SMAD2: variants seen among roughly 807,000 people sequenced by gnomAD.
The protein encoded by SMAD2 is SMAD family member 2, also known as MAD homolog 2.
Under a neutral mutation model 64.4 loss-of-function variants are expected in SMAD2, and 8 were observed. That is an observed-to-expected ratio of 0.12 (90% CI 0.07 to 0.22). SMAD2 has a LOEUF of 0.22. Ranked by LOEUF, SMAD2 falls within the 10% of genes least tolerant of loss-of-function variation. SMAD2 has a pLI of 1.00. For synonymous variants in SMAD2, 203 were observed against 195.8 expected (o/e 1.04, Z -0.31); for missense variants, 289 against 561.2 (o/e 0.51, Z 4.90).
At chr18:47,858,445 A>T (rs2030904297) in intron 6 of SMAD2, among the ~76,000 whole-genome samples, 1 of 152,218 alleles carries the variant, frequency 6.6e-6, no homozygotes, top group South Asian at 2.1e-4. Context: ...TCTGTAGTAA[A>T]GGAATAAAAA....
At chr18:47,909,347 G>A (rs2034029286) in intron 1 of SMAD2, among the ~76,000 whole-genome samples, 1 of 152,174 alleles carries the variant, frequency 6.6e-6, no homozygotes, top group African/African-American at 2.4e-5. Context: ...TTTAGAAACA[G>A]GCTGGCTTAA....
chr18:47,904,355 G>C (rs62088119), intron 1 of SMAD2, among the ~76,000 whole-genome samples: 10,931 of 151,544 alleles, frequency 0.072, 521 homozygotes, highest in Middle Eastern at 0.12. Flanking sequence ...CAAAAGACAT[G>C]TGCTGCTGAG....
In SMAD2 at chr18:47,814,368, C is replaced by T. The variant is rs1912301657; in HGVS notation, c.*27459G>A. The T allele has an allele frequency of 6.6e-6, 1 of 152,142 alleles. No individual in the cohort carries two copies. The highest frequency in any genetic ancestry group is 2.4e-5 in the African/African-American group (1 of 41,434). The allele number at this position is 152,142 out of a possible 1,614,324, so 9.4% of individuals were successfully genotyped here. On this transcript the variant is annotated 3_prime_UTR_variant, in exon 11 of 11. Coordinates refer to ENST00000262160, the MANE Select transcript of SMAD2 (RefSeq NM_005901.6). ...AAGTAGTCTTCAAAGTCAGACTTTA[C>T]TGAGAATGAGAAGGGAGTTCTACAT...
At chr18:47,847,603 TTATAAAAAACAACTG>T (rs1014125899) in intron 8 of SMAD2, among the ~76,000 whole-genome samples, 1 of 148,380 alleles carries the variant, frequency 6.7e-6, no homozygotes, top group African/African-American at 2.5e-5. Context: ...TTAACAATGT[TTATAAAAAACAACTG>T]TATTTCCAAA....
In SMAD2 at chr18:47,811,632, C is replaced by A. The variant is rs1237155676; in HGVS notation, c.*30195G>T. On this transcript the variant is annotated 3_prime_UTR_variant, in exon 11 of 11. Transcript: ENST00000262160. ...ACCCCATCCTCACTCCAAACATACA[C>A]ATATTCCAAAGTTCATCAGAACCTT... 2.0e-5 allele frequency: 3 copies of A among 152,224 alleles called. No homozygotes were observed. Among genetic ancestry groups the A allele is most frequent in the Non-Finnish European group, 4.4e-5 (3 of 68,060 alleles). 9.4% of individuals were successfully genotyped at this position (152,224 alleles called of 1,614,324 possible). A position where few individuals can be genotyped will look rare whatever the true frequency, so the allele number is the denominator to read the frequency against.
At chr18:47,862,341 A>AT in intron 6 of SMAD2, among the ~76,000 whole-genome samples, 1 of 152,208 alleles carries the variant, frequency 6.6e-6, no homozygotes, top group African/African-American at 2.4e-5. Context: ...ACAGAAATTT[A>AT]TTTTTTCAGA....
chr18:47,925,985 A>C (rs982701471), intron 1 of SMAD2, among the ~76,000 whole-genome samples: 1 of 152,232 alleles, frequency 6.6e-6, no homozygotes, highest in Non-Finnish European at 1.5e-5. Flanking sequence ...TGAAAAGCAT[A>C]CACTACTGTC....
In SMAD2 at chr18:47,834,235, T is replaced by A. The variant is rs1164491982; in HGVS notation, c.*7592A>T. On this transcript the variant is annotated 3_prime_UTR_variant, in exon 11 of 11. Transcript: ENST00000262160. ...ACCTAAGGTGGTCAGCTCCTTCTGG[T>A]GTGCCTGGGACTTGTTTTGAGTTTA... is the stretch of plus-strand genomic sequence containing the variant. 4.7e-6 allele frequency: 1 copy of A among 211,466 alleles called. No individual in the cohort carries two copies. The highest frequency in any genetic ancestry group is 9.6e-6 in the Non-Finnish European group (1 of 104,380). The allele number at this position is 211,466 out of a possible 1,614,324, so 13.1% of individuals were successfully genotyped here. A position where few individuals can be genotyped will look rare whatever the true frequency, so the allele number is the denominator to read the frequency against.
intron 2 of SMAD2, among the ~76,000 whole-genome samples, chr18:47,890,236 A>G (rs1271189576): frequency 6.6e-6 from 1 of 152,232 alleles, no homozygotes; most frequent in African/African-American, 2.4e-5. Flanking sequence ...TATAAACTGT[A>G]TATGACAAAC....
chr18:47,840,481 G>C lies in SMAD2; in HGVS notation c.*1346C>G, dbSNP rs560242496. The C allele has an allele frequency of 4.3e-6, 1 of 232,548 alleles. No homozygotes were observed. Among genetic ancestry groups the C allele is most frequent in the East Asian group, 6.1e-5 (1 of 16,512 alleles). The allele number at this position is 232,548 out of a possible 1,614,324, so 14.4% of individuals were successfully genotyped here. A position where few individuals can be genotyped will look rare whatever the true frequency, so the allele number is the denominator to read the frequency against. Reference sequence around the variant, plus strand: ...GGATCAGTTAAGAACAGCTCAGACTGCAGGTAACTTATAAGCTAAAAAACT... The same window carrying C: ...GGATCAGTTAAGAACAGCTCAGACTCCAGGTAACTTATAAGCTAAAAAACT... On this transcript the variant is annotated 3_prime_UTR_variant, in exon 11 of 11. Coordinates refer to ENST00000262160, the MANE Select transcript of SMAD2 (RefSeq NM_005901.6).
intron 5 of SMAD2, among the ~76,000 whole-genome samples, chr18:47,867,833 C>T (rs913496986): frequency 6.6e-6 from 1 of 151,922 alleles, no homozygotes; most frequent in Admixed American, 6.6e-5. Flanking sequence ...TTCTGACGTT[C>T]GTGTTATAAT....
intron 1 of SMAD2, among the ~76,000 whole-genome samples, chr18:47,908,354 G>T (rs2033988085): frequency 6.6e-6 from 1 of 152,094 alleles, no homozygotes; most frequent in South Asian, 2.1e-4. Flanking sequence ...GACAACATGG[G>T]TTTAAACTGT....
intron 1 of SMAD2, among the ~76,000 whole-genome samples, chr18:47,918,605 G>T (rs972917192): frequency 6.6e-6 from 1 of 152,110 alleles, no homozygotes; most frequent in Non-Finnish European, 1.5e-5. Flanking sequence ...TCAGCTTCAG[G>T]AAAAGACTAT....
rs1912556567 is a variant in SMAD2, at chr18:47,821,042, T to C, written c.*20785A>G. ...TTTAATTCTAAAATCAGCCATCTTC[T>C]AAACCACAGTTTAAATTTCTGCCAT... On this transcript the variant is annotated 3_prime_UTR_variant, in exon 11 of 11. Transcript: ENST00000262160. The C allele has an allele frequency of 6.6e-6, 1 of 152,150 alleles. No homozygotes were observed. Among genetic ancestry groups the C allele is most frequent in the African/African-American group, 2.4e-5 (1 of 41,448 alleles). The allele number at this position is 152,150 out of a possible 1,614,324, so 9.4% of individuals were successfully genotyped here. A position where few individuals can be genotyped will look rare whatever the true frequency, so the allele number is the denominator to read the frequency against.
intron 2 of SMAD2, chr18:47,895,681 A>T (rs1209782567): frequency 6.6e-6 from 1 of 152,208 alleles, no homozygotes; most frequent in African/African-American, 2.4e-5. Context: ...GAAACATTCT[A>T]CTGTTAGTAT....
intron 6 of SMAD2, among the ~76,000 whole-genome samples, chr18:47,860,875 A>C (rs1184848214): frequency 2.0e-5 from 3 of 152,314 alleles, no homozygotes; most frequent in Admixed American, 2.0e-4. Flanking sequence ...AAGGAAAAAG[A>C]ACTTCCTCAA....
In SMAD2 at chr18:47,869,274, G is replaced by A. The variant is rs762181260; in HGVS notation, c.489C>T (p.Asn163=). 1.1e-5 allele frequency: 18 copies of A among 1,613,450 alleles called. No homozygotes were observed. Among genetic ancestry groups the A allele is most frequent in the Non-Finnish European group, 1.4e-5 (17 of 1,179,680 alleles). ...FNLKKDEVCV[N]PYHYQRVETP... ...TCTCAACTCTCTGATAGTGGTAAGG[G>A]TTTACACATACTTCATCCTTTTTAA... The change falls in exon 4 of 11, where the codon AAC becomes AAT. Residue 163 remains asparagine, a synonymous_variant. Coordinates refer to ENST00000262160, the MANE Select transcript of SMAD2 (RefSeq NM_005901.6).
In SMAD2 at chr18:47,930,348, G is replaced by C. The variant is rs1000702219; in HGVS notation, c.-54+13C>G. 1.3e-5 allele frequency: 2 copies of C among 151,990 alleles called. No homozygotes were observed. Among genetic ancestry groups the C allele is most frequent in the Admixed American group, 1.3e-4 (2 of 15,276 alleles). 9.4% of individuals were successfully genotyped at this position (151,990 alleles called of 1,614,324 possible). A position where few individuals can be genotyped will look rare whatever the true frequency, so the allele number is the denominator to read the frequency against. On this transcript the variant is annotated intron_variant, in intron 1 of 10. Transcript: ENST00000262160. ...CTTCCCTAGCTGGAGGCCCGCGGGC[G>C]CCCAGGCTTTACCTGCAAGGTGGCG...
At chr18:47,909,929 A>G (rs544505376) in intron 1 of SMAD2, among the ~76,000 whole-genome samples, 1 of 152,310 alleles carries the variant, frequency 6.6e-6, no homozygotes, top group South Asian at 2.1e-4. Context: ...TTTAAGGCTC[A>G]TTACACACAG....
Sources: gnomAD v4.1 joint callset for allele counts (sites outside exome capture counted in the v4.1 genomes callset) on GRCh38, gnomAD v4.1.1 for gene constraint, MANE v1.5 for transcripts, NCBI Gene and HGNC (gene_info 2026-07-23, HGNC 2026-07-21) for gene names.